Variants in PLEKHM3 observed in about 807,000 individuals in gnomAD.
PLEKHM3 encodes the protein pleckstrin homology domain-containing family M member 3.
In PLEKHM3, 45 loss-of-function variants were observed where a neutral mutation model predicts 81.8. The observed-to-expected ratio is 0.55, with a 90% CI of 0.43 to 0.71. PLEKHM3 has a LOEUF of 0.71. Among genes scored for constraint, PLEKHM3 ranks in the 30% least tolerant of loss-of-function variants. The pLI is 0.00. For synonymous variants in PLEKHM3, 352 were observed against 356.4 expected, an observed-to-expected ratio of 0.99 and a Z score of 0.14; for missense variants, 788 against 924.3, an observed-to-expected ratio of 0.85 and a Z score of 1.91.
At chr2:207,940,410 A>G (rs1689899998) in intron 4 of PLEKHM3, among the ~76,000 whole-genome samples, 1 of 152,142 alleles carries the variant, frequency 6.6e-6, no homozygotes, top group African/African-American at 2.4e-5. Flanking sequence ...TAACCCATTT[A>G]CCCAGCAGTA....
intron 6 of PLEKHM3, among the ~76,000 whole-genome samples, chr2:207,891,472 T>C (rs1293126946): frequency 1.3e-5 from 2 of 152,146 alleles, no homozygotes; most frequent in Non-Finnish European, 2.9e-5. Context: ...AGGTAAGGGG[T>C]GCCGGCAAGA....
chr2:207,911,303 T>C (rs1688803262), intron 5 of PLEKHM3, among the ~76,000 whole-genome samples: 1 of 152,250 alleles, frequency 6.6e-6, no homozygotes, highest in Non-Finnish European at 1.5e-5. Flanking sequence ...TTGAAAACTA[T>C]GTTTTTGAAA....
At chr2:207,932,937 T>A (rs768024735) in intron 4 of PLEKHM3, among the ~76,000 whole-genome samples, 2 of 152,238 alleles carry the variant, frequency 1.3e-5, no homozygotes, top group Non-Finnish European at 2.9e-5. Context: ...AAATTCAATA[T>A]GATCATTTTC....
intron 6 of PLEKHM3, among the ~76,000 whole-genome samples, chr2:207,878,838 T>A (rs992028866): frequency 5.3e-5 from 8 of 151,878 alleles, no homozygotes; most frequent in Admixed American, 3.9e-4. Flanking sequence ...TATTTTTATT[T>A]TTTTTATTTT....
chr2:207,965,111 T>C (rs975691535), intron 3 of PLEKHM3, among the ~76,000 whole-genome samples: 2 of 152,158 alleles, frequency 1.3e-5, no homozygotes, highest in African/African-American at 4.8e-5. Flanking sequence ...ATGAAAAGCT[T>C]AGTTTTTCAA....
intron 2 of PLEKHM3, among the ~76,000 whole-genome samples, chr2:207,995,902 A>C (rs1340793831): frequency 6.6e-6 from 1 of 152,170 alleles, no homozygotes; most frequent in Non-Finnish European, 1.5e-5. Flanking sequence ...CCAAAGCAAT[A>C]ATCTTCTATA....
intron 7 of PLEKHM3, among the ~76,000 whole-genome samples, chr2:207,860,229 G>GTGTC (rs1391304612): frequency 6.7e-6 from 1 of 149,398 alleles, no homozygotes; most frequent in African/African-American, 2.5e-5. Flanking sequence ...ATGTGTTTAT[G>GTGTC]TGTCTGTTTT....
chr2:207,963,975 G>T (rs1465908990), intron 3 of PLEKHM3, among the ~76,000 whole-genome samples: 2 of 152,204 alleles, frequency 1.3e-5, no homozygotes, highest in Non-Finnish European at 2.9e-5. Flanking sequence ...AGTTTGGGAG[G>T]CTGAGGCCGG....
intron 1 of PLEKHM3, among the ~76,000 whole-genome samples, chr2:208,003,595 T>A (rs1461040390): frequency 1.3e-5 from 2 of 152,222 alleles, no homozygotes; most frequent in Non-Finnish European, 2.9e-5. Flanking sequence ...TCTACTTTTA[T>A]ATATTTTGAT....
intron 1 of PLEKHM3, among the ~76,000 whole-genome samples, chr2:208,012,216 G>A (rs542054876): frequency 3.9e-5 from 6 of 151,902 alleles, no homozygotes; most frequent in African/African-American, 1.5e-4. Context: ...TAATTTTTTT[G>A]TATTTTTTAG....
chr2:207,886,873 G>A (rs2105862822), intron 6 of PLEKHM3, among the ~76,000 whole-genome samples: 1 of 152,242 alleles, frequency 6.6e-6, no homozygotes, highest in South Asian at 2.1e-4. Context: ...AAGAGCACTG[G>A]CCAAAACAGC....
chr2:207,864,545 A>G (rs1437930462), intron 6 of PLEKHM3, among the ~76,000 whole-genome samples: 1 of 152,254 alleles, frequency 6.6e-6, no homozygotes, highest in Non-Finnish European at 1.5e-5. Context: ...GATAGAGAAC[A>G]GTCTGGAAAC....
At chr2:207,918,570 A>C (rs1689076455) in intron 5 of PLEKHM3, among the ~76,000 whole-genome samples, 1 of 152,026 alleles carries the variant, frequency 6.6e-6, no homozygotes, top group Admixed American at 6.6e-5. Context: ...AAACAAACAA[A>C]AAACCACTCT....
At chr2:207,876,264 A>G (rs1234272401) in intron 6 of PLEKHM3, among the ~76,000 whole-genome samples, 1 of 152,192 alleles carries the variant, frequency 6.6e-6, no homozygotes, top group African/African-American at 2.4e-5. Context: ...TGTCACTTTT[A>G]TAACAAATAT....
intron 2 of PLEKHM3, among the ~76,000 whole-genome samples, chr2:207,989,226 CAG>C (rs1691819015): frequency 6.6e-6 from 1 of 152,204 alleles, no homozygotes; most frequent in Non-Finnish European, 1.5e-5. Flanking sequence ...ATCGTGTCAA[CAG>C]AGTTTATAGC....
chr2:207,858,028 ATTCAT>A (rs2092445039), intron 7 of PLEKHM3, among the ~76,000 whole-genome samples: 1 of 150,144 alleles, frequency 6.7e-6, no homozygotes, highest in South Asian at 2.1e-4. Flanking sequence ...TTTCATTTTC[ATTCAT>A]TTCAAAATAT....
intron 6 of PLEKHM3, among the ~76,000 whole-genome samples, chr2:207,883,516 TAAG>T (rs1330402277): frequency 6.6e-6 from 1 of 152,192 alleles, no homozygotes; most frequent in African/African-American, 2.4e-5. Flanking sequence ...CACTTGAGAA[TAAG>T]AAGATAGCAC....
chr2:207,967,567 A>C (rs1007048190), intron 3 of PLEKHM3, among the ~76,000 whole-genome samples: 1 of 152,242 alleles, frequency 6.6e-6, no homozygotes, highest in African/African-American at 2.4e-5. Context: ...AAATTTGATA[A>C]GTATGCCTAT....
intron 1 of PLEKHM3, among the ~76,000 whole-genome samples, chr2:208,004,822 TTTTG>T (rs949432655): frequency 8.5e-5 from 13 of 152,292 alleles, no homozygotes; most frequent in African/African-American, 2.2e-4. Context: ...TAAAACAGTT[TTTTG>T]TTTGTTTGTT....
Sources: allele counts gnomAD v4.1 joint callset (sites outside exome capture counted in the v4.1 genomes callset), GRCh38; gene constraint gnomAD v4.1.1; transcripts MANE v1.5; gene names NCBI Gene and HGNC (gene_info 2026-07-23, HGNC 2026-07-21).